APEH: variants seen among roughly 807,000 people sequenced by gnomAD.
The protein encoded by APEH is acylaminoacyl-peptide hydrolase, also known as acylamino-acid-releasing enzyme.
In APEH, 75 loss-of-function variants were observed where a neutral mutation model predicts 102.7. The ratio of observed to expected loss-of-function variants is 0.73; its 90% CI spans 0.61 to 0.89. The LOEUF (loss-of-function observed/expected upper bound fraction) is 0.89, where lower values mean the gene tolerates loss of function less well. APEH is among the 40% of genes least tolerant of loss of function. The pLI is 0.00. For synonymous variants in APEH, 344 were observed against 362.7 expected, an observed-to-expected ratio of 0.95 and a Z score of 0.59; for missense variants, 863 against 941.2, an observed-to-expected ratio of 0.92 and a Z score of 1.09.
In APEH at chr3:49,675,605, C is replaced by G. The variant is rs1228070497; in HGVS notation, c.273-89C>G. On this transcript the variant is annotated intron_variant, in intron 3 of 21. Transcript: ENST00000296456. Reference sequence around the variant, plus strand: ...AGAAGCTGGTGTGGGGCCAGAGCCTCAAGAATCTCTCCTAAGAGGTGTGCC... The same window carrying G: ...AGAAGCTGGTGTGGGGCCAGAGCCTGAAGAATCTCTCCTAAGAGGTGTGCC... 3.7e-6 allele frequency: 5 copies of G among 1,341,312 alleles called. No homozygotes were observed. In the African/African-American group the frequency reaches 7.2e-5, roughly 19 times the overall value. The allele number at this position is 1,341,312 out of a possible 1,614,324, so 83.1% of individuals were successfully genotyped here.
At position 49,675,919 on chromosome 3, in the gene APEH, G is replaced by A. The variant is rs755332959; in HGVS notation, c.395G>A (p.Ser132Asn). 8.7e-6 allele frequency: 14 copies of A among 1,614,086 alleles called. No homozygotes were observed. In the Admixed American group the frequency reaches 2.2e-4, roughly 25 times the overall value. ...EVWEKNRKLK[S>N]FNLSALEKHG... ...TGGGAGAAGAACCGGAAGCTCAAGA[G>A]CTTCAACCTGTCAGCGCTGGAGAAA... is the stretch of plus-strand genomic sequence containing the variant. Residue 132 changes from serine (S) to asparagine (N), a missense_variant, in exon 5 of 22, where the codon AGC (serine) becomes AAC (asparagine). Ser to Asn is a conservative substitution (Grantham distance 46). Transcript: ENST00000296456.
chr3:49,679,839 A>G lies in APEH; in HGVS notation c.1210+195A>G. The G allele has an allele frequency of 5.2e-6, 3 of 572,148 alleles. No individual in the cohort carries two copies. In the South Asian group the frequency reaches 5.8e-5, roughly 11 times the overall value. 35.4% of individuals were successfully genotyped at this position (572,148 alleles called of 1,614,324 possible). On this transcript the variant is annotated intron_variant, in intron 13 of 21. Transcript: ENST00000296456. The surrounding 1 kb of genome is among the most constrained non-coding windows in gnomAD (Gnocchi z 4.3). The stretch of plus-strand genomic sequence containing the variant: ...CAGACCCTTACCCAACCAACAGACT[A>G]GCTTCCCTGCTCTACTGCCCTTTAG...
intron 2 of APEH, 86 bp from the exon 3 acceptor site, chr3:49,675,097 C>G (rs1575463748): frequency 1.3e-6 from 2 of 1,561,112 alleles, no homozygotes; most frequent in African/African-American, 1.4e-5. Context: ...GAAGATAGAT[C>G]TAGGCCTTCC....
Position 49,677,008 on chromosome 3 carries a change from G to A in APEH, c.983G>A (p.Cys328Tyr). The A allele has an allele frequency of 6.2e-7, 1 of 1,614,088 alleles. No homozygotes were observed. Among genetic ancestry groups the A allele is most frequent in the Non-Finnish European group, 8.5e-7 (1 of 1,180,016 alleles). Residue 328 changes from cysteine (C) to tyrosine (Y), a missense_variant, in exon 10 of 22, where the codon TGC becomes TAC. Cys to Tyr is a radical substitution (Grantham distance 194, BLOSUM62 -2). Coordinates refer to ENST00000296456, the MANE Select transcript of APEH (RefSeq NM_001640.4). ...CCATCTCTGATCCCCCATCACCAATGCAGCCAGCTGTGCCTGGTGAGCTGG... is the reference window on the plus strand; with the variant it reads ...CCATCTCTGATCCCCCATCACCAATACAGCCAGCTGTGCCTGGTGAGCTGG... ...QYPSLIPHHQCSQLCLYDWYT... is the reference protein window; with the variant it reads ...QYPSLIPHHQYSQLCLYDWYT...
In APEH at chr3:49,676,984, C is replaced by T; in HGVS notation, c.959C>T (p.Pro320Leu). The stretch of plus-strand genomic sequence containing the variant: ...TGTCGCATTGTCTACCTGCAGTACC[C>T]ATCTCTGATCCCCCATCACCAATGC... ...DQCRIVYLQY[P>L]SLIPHHQCSQ... is the part of the protein sequence containing the mutation. The change falls in exon 10 of 22, where the codon CCA becomes CTA. Residue 320 changes from proline to leucine, a missense_variant. Pro to Leu is a moderately conservative substitution (Grantham distance 98, BLOSUM62 -3). Coordinates refer to ENST00000296456, the MANE Select transcript of APEH (RefSeq NM_001640.4). The T allele has an allele frequency of 6.2e-7, 1 of 1,614,146 alleles. No individual in the cohort carries two copies. The highest frequency in any genetic ancestry group is 8.5e-7 in the Non-Finnish European group (1 of 1,180,030).
chr3:49,675,466 C>A, intron 3 of APEH, 157 bp downstream of exon 3: 1 of 1,177,022 alleles, frequency 8.5e-7, no homozygotes, highest in Non-Finnish European at 1.2e-6. Context: ...CTGATAAGCA[C>A]TGGAAGCTTG....
chr3:49,681,633 AG>A lies in APEH; in HGVS notation c.1439-87del, dbSNP rs2053322860. 11 of 1,230,160 alleles carry A rather than the reference AG, an allele frequency of 8.9e-6. No homozygotes were observed. The South Asian group carries it at 1.7e-4, about 19-fold the overall frequency. 76.2% of individuals were successfully genotyped at this position (1,230,160 alleles called of 1,614,324 possible). The stretch of plus-strand genomic sequence containing the variant: ...TACCTTGGCCAGGTCTCTGACCCAG[AG>A]GTCAGCCCCACACCTGCAGCTAGAG... On this transcript the variant is annotated intron_variant, in intron 15 of 21. Transcript: ENST00000296456.
chr3:49,675,686 G>C lies in APEH; in HGVS notation c.273-8G>C, dbSNP rs1175545011. The C allele has an allele frequency of 1.9e-6, 3 of 1,612,246 alleles. No homozygotes were observed. The highest frequency in any genetic ancestry group is 2.5e-6 in the Non-Finnish European group (3 of 1,178,546). On this transcript the variant is annotated splice_region_variant and splice_polypyrimidine_tract_variant and intron_variant, in intron 3 of 21. Transcript: ENST00000296456. ...ATAATCCTGACCTGTGCTACCCCAT[G>C]TCCACAGACTGCTGAGCAGAGAGTC... is the stretch of plus-strand genomic sequence containing the variant.
chr3:49,678,088 C>G (rs2053151996), intron 11 of APEH, among the ~76,000 whole-genome samples: 1 of 152,134 alleles, frequency 6.6e-6, no homozygotes, highest in African/African-American at 2.4e-5. Context: ...CCAGTCTAAG[C>G]CCTGAAGTCA....
intron 10 of APEH, 124 bp from the exon 11 acceptor site, chr3:49,677,449 C>A: frequency 2.3e-6 from 2 of 878,114 alleles, no homozygotes; most frequent in South Asian, 2.8e-5. Context: ...AGAGATACAT[C>A]AGGCTTATTC....
chr3:49,677,088 T>G (rs1284628258), intron 10 of APEH, 64 bp downstream of exon 10: 5 of 1,606,062 alleles, frequency 3.1e-6, no homozygotes, highest in Non-Finnish European at 4.3e-6. Flanking sequence ...GGATGAGAGC[T>G]GAAGGGCCAG....
upstream of APEH, chr3:49,674,219 C>T (rs2052903209): frequency 1.3e-6 from 1 of 746,764 alleles, no homozygotes; most frequent in Admixed American, 3.1e-5. Flanking sequence ...CAGGCCGGGT[C>T]CTCTCACCGT....
Position 49,680,634 on chromosome 3 carries a change from G to A in APEH, c.1299+5G>A. On this transcript the variant is annotated splice_donor_5th_base_variant and intron_variant, in intron 14 of 21. Transcript: ENST00000296456. ...CCCAGCCTACCTCCAACCCTGGTGAGTGTCGGTGGGTCCCAGGCTGTGGAG... is the reference window on the plus strand; with the variant it reads ...CCCAGCCTACCTCCAACCCTGGTGAATGTCGGTGGGTCCCAGGCTGTGGAG... 1.2e-6 allele frequency: 2 copies of A among 1,613,292 alleles called. No individual in the cohort carries two copies. The highest frequency in any genetic ancestry group is 4.5e-5 in the East Asian group (2 of 44,866).
At chr3:49,682,264 C>A in intron 17 of APEH, 84 bp from the exon 18 acceptor site, 1 of 1,356,888 alleles carries the variant, frequency 7.4e-7, no homozygotes, top group Non-Finnish European at 1.0e-6. Context: ...GGCCCCAGGG[C>A]CTACTTCACA....
chr3:49,683,538 C>A lies in APEH; in HGVS notation c.*196C>A. The A allele has an allele frequency of 1.7e-6, 1 of 578,612 alleles. No homozygotes were observed. The highest frequency in any genetic ancestry group is 3.0e-5 in the Admixed American group (1 of 33,426). The allele number at this position is 578,612 out of a possible 1,614,324, so 35.8% of individuals were successfully genotyped here. A position where few individuals can be genotyped will look rare whatever the true frequency, so the allele number is the denominator to read the frequency against. ...CTGCTGGTACTTTGTACCAAACCATCCCCAACCCCACCTCCCACTCTGGGG... is the reference window on the plus strand; with the variant it reads ...CTGCTGGTACTTTGTACCAAACCATACCCAACCCCACCTCCCACTCTGGGG... On this transcript the variant is annotated 3_prime_UTR_variant, in exon 22 of 22. Coordinates refer to ENST00000296456, the MANE Select transcript of APEH (RefSeq NM_001640.4).
intron 17 of APEH, 149 bp downstream of exon 17, chr3:49,682,116 C>G (rs2053353789): frequency 1.0e-6 from 1 of 1,000,236 alleles, no homozygotes; most frequent in African/African-American, 1.6e-5. Context: ...CTGCTGGGGC[C>G]CAGCCTCTGG....
At position 49,676,170 on chromosome 3, in the gene APEH, C is replaced by T. The variant is rs1490746696; in HGVS notation, c.557C>T (p.Ala186Val). The stretch of plus-strand genomic sequence containing the variant: ...CAGACCAAAGCCTTGGACGTCAGTG[C>T]CAGCGATGATGAGATAGCCAGGCTG... ...FFQTKALDVS[A>V]SDDEIARLKK... The change falls in exon 6 of 22, where the codon GCC (alanine) becomes GTC (valine). Residue 186 changes from alanine (A) to valine (V), a missense_variant. By Grantham distance (64) the Ala-to-Val change is moderately conservative (BLOSUM62 0). Coordinates refer to ENST00000296456, the MANE Select transcript of APEH (RefSeq NM_001640.4). 1 of 1,614,160 alleles carries T rather than the reference C, an allele frequency of 6.2e-7. No homozygotes were observed. The highest frequency in any genetic ancestry group is 1.7e-5 in the Admixed American group (1 of 60,032).
At chr3:49,682,278 G>A (rs1039876591) in intron 17 of APEH, 70 bp from the exon 18 acceptor site, 29 of 1,421,662 alleles carry the variant, frequency 2.0e-5, no homozygotes, top group Non-Finnish European at 2.6e-5. Flanking sequence ...CTTCACAGAT[G>A]TGTGAAAAGA....
rs369074174 is a variant in APEH, at chr3:49,675,882, T to C, written c.367-9T>C. 7.4e-6 allele frequency: 12 copies of C among 1,614,072 alleles called. No homozygotes were observed. Among genetic ancestry groups the C allele is most frequent in the East Asian group, 2.2e-5 (1 of 44,880 alleles). ...GCGGGCAAACAGCCTAATGCCCAGA[T>C]GTCCTCAGGTCTGGGAGAAGAACCG... On this transcript the variant is annotated splice_polypyrimidine_tract_variant and intron_variant, in intron 4 of 21. Transcript: ENST00000296456.
Sources: gnomAD v4.1 joint callset for allele counts (sites outside exome capture counted in the v4.1 genomes callset) on GRCh38, gnomAD v4.1.1 for gene constraint, Gnocchi (gnomAD v3.1) non-coding constraint, MANE v1.5 for transcripts, NCBI Gene and HGNC (gene_info 2026-07-23, HGNC 2026-07-21) for gene names.